The following DISC1 variants were observed in gnomAD, a reference collection of about 807,000 sequenced individuals.
DISC1 encodes the protein DISC1 scaffold protein.
In DISC1, 57 loss-of-function variants were observed where a neutral mutation model predicts 84.5. The ratio of observed to expected loss-of-function variants is 0.67; its 90% CI spans 0.55 to 0.84. The LOEUF (loss-of-function observed/expected upper bound fraction) is 0.84, where lower values mean the gene tolerates loss of function less well. DISC1 is among the 40% of genes least tolerant of loss of function. The pLI is 0.00. For missense variants in DISC1, 1,000 were observed against 1,057.8 expected (o/e 0.95, Z 0.76); for synonymous variants, 411 against 415.2 (o/e 0.99, Z 0.12).
intron 3 of DISC1, chr1:231,723,470 G>C: frequency 1.0e-6 from 1 of 985,468 alleles, no homozygotes. Context: ...ACTTATTTCT[G>C]GTCTGGTTTA....
chr1:231,848,660 G>A (rs17819668), intron 9 of DISC1, among the ~76,000 whole-genome samples: 55,461 of 151,994 alleles, frequency 0.36, 10,274 homozygotes, highest in East Asian at 0.4. Flanking sequence ...AAAAGACCCC[G>A]ATCACTTCTC....
chr1:231,921,784 C>T (rs2090027152), intron 9 of DISC1, among the ~76,000 whole-genome samples: 2 of 147,732 alleles, frequency 1.4e-5, no homozygotes, highest in African/African-American at 2.5e-5. Context: ...AGCTAACTAA[C>T]ATGTCTATCA....
At chr1:231,780,506 A>G (rs2077333669) in intron 6 of DISC1, among the ~76,000 whole-genome samples, 1 of 145,682 alleles carries the variant, frequency 6.9e-6, no homozygotes, top group African/African-American at 2.5e-5. Flanking sequence ...AAAGTCAGGA[A>G]ACAACAGGTG....
In DISC1 at chr1:231,860,713, G is replaced by A. The variant is rs115882885; in HGVS notation, c.1981+42196G>A. On this transcript the variant is annotated intron_variant, in intron 9 of 12. Transcript: ENST00000439617. ...CTATCTTCAGACTTATCACTATCAA[G>A]CATTTTCCATTCCCCACAATTCTCA... 8.0e-3 allele frequency among the ~76,000 whole-genome samples: 1,224 copies of A among 152,188 alleles called. 19 individuals are homozygous for A. The highest frequency in any genetic ancestry group is 0.028 in the African/African-American group (1,167 of 41,524).
At chr1:231,733,216 A>C (rs1264310960) in intron 3 of DISC1, among the ~76,000 whole-genome samples, 3 of 133,404 alleles carry the variant, frequency 2.2e-5, no homozygotes, top group Non-Finnish European at 3.2e-5. Context: ...AGAGTGTAGG[A>C]GTGTTGTTGG....
intron 10 of DISC1, among the ~76,000 whole-genome samples, chr1:231,997,131 A>G (rs888639779): frequency 2.0e-5 from 3 of 152,156 alleles, no homozygotes; most frequent in African/African-American, 7.2e-5. Flanking sequence ...TCAGCATAGC[A>G]TCCCCTCAAA....
At chr1:231,849,833 C>T (rs772414136) in intron 9 of DISC1, among the ~76,000 whole-genome samples, 12 of 152,172 alleles carry the variant, frequency 7.9e-5, no homozygotes, top group East Asian at 1.9e-4. Flanking sequence ...AGCACATATG[C>T]AGTTTCTCCT....
intron 1 of DISC1, among the ~76,000 whole-genome samples, chr1:231,634,127 G>A (rs546025674): frequency 4.6e-5 from 7 of 152,126 alleles, no homozygotes; most frequent in African/African-American, 7.2e-5. Flanking sequence ...CAAGTGATCC[G>A]CCTGCCTCGG....
At chr1:231,907,711 A>C (rs973425948) in intron 9 of DISC1, among the ~76,000 whole-genome samples, 1 of 152,172 alleles carries the variant, frequency 6.6e-6, no homozygotes, top group Non-Finnish European at 1.5e-5. Context: ...GGCTGGGTCA[A>C]ATGGTATTTC....
chr1:231,929,169 C>T (rs2090510587), intron 9 of DISC1, among the ~76,000 whole-genome samples: 1 of 152,020 alleles, frequency 6.6e-6, no homozygotes, highest in Non-Finnish European at 1.5e-5. Context: ...TTAAAATCTC[C>T]CACTATTGTT....
chr1:231,693,787 T>C (rs2065322579), intron 1 of DISC1, 39 bp from the exon 2 acceptor site: 1 of 1,611,662 alleles, frequency 6.2e-7, no homozygotes, highest in Non-Finnish European at 8.5e-7. Context: ...GCCAGTAAGA[T>C]CTGCATGTTT....
intron 4 of DISC1, among the ~76,000 whole-genome samples, chr1:231,762,183 T>A (rs2075740843): frequency 8.6e-6 from 1 of 115,834 alleles, no homozygotes; most frequent in African/African-American, 3.0e-5. Flanking sequence ...CTTCCTTCCT[T>A]CTTTTCTTTC....
intron 12 of DISC1, among the ~76,000 whole-genome samples, chr1:232,027,366 T>C (rs1337467639): frequency 6.6e-6 from 1 of 152,240 alleles, no homozygotes; most frequent in East Asian, 1.9e-4. Context: ...TTTAGTCCTT[T>C]CTGCTTCCCG....
intron 10 of DISC1, among the ~76,000 whole-genome samples, chr1:231,982,162 G>A (rs1002844355): frequency 1.3e-5 from 2 of 152,172 alleles, no homozygotes; most frequent in African/African-American, 4.8e-5. Flanking sequence ...TAATTAATGA[G>A]TCTTAGTGAC....
chr1:231,669,030 G>A (rs2062303631), intron 1 of DISC1, among the ~76,000 whole-genome samples: 1 of 152,164 alleles, frequency 6.6e-6, no homozygotes, highest in South Asian at 2.1e-4. Context: ...GAGTCTATCA[G>A]TTTTTCTTTT....
At chr1:231,915,510 G>A (rs530727232) in intron 9 of DISC1, among the ~76,000 whole-genome samples, 11 of 152,332 alleles carry the variant, frequency 7.2e-5, no homozygotes, top group Admixed American at 5.9e-4. Flanking sequence ...TGGGCCAGGC[G>A]CAGTGGCTCA....
chr1:231,779,209 G>T (rs1477723926), intron 6 of DISC1, among the ~76,000 whole-genome samples: 1 of 152,054 alleles, frequency 6.6e-6, no homozygotes, highest in South Asian at 2.1e-4. Context: ...TCCTTGCACC[G>T]CCAGATGCTG....
At chr1:231,750,454 C>G (rs764732668) in intron 4 of DISC1, 1 of 1,008,004 alleles carries the variant, frequency 9.9e-7, no homozygotes, top group Non-Finnish European at 1.2e-6. Flanking sequence ...CCCCTCTGAC[C>G]GAGCGATGAA....
chr1:231,996,030 A>G (rs1184112309), intron 10 of DISC1, among the ~76,000 whole-genome samples: 2 of 152,182 alleles, frequency 1.3e-5, no homozygotes. Context: ...AATGATTGCC[A>G]TTCTAACTGG....
Sources: gnomAD v4.1 joint callset for allele counts (sites outside exome capture counted in the v4.1 genomes callset) on GRCh38, gnomAD v4.1.1 for gene constraint, MANE v1.5 for transcripts, NCBI Gene and HGNC (gene_info 2026-07-23, HGNC 2026-07-21) for gene names.